Variants in ARHGAP12 observed in about 807,000 individuals in gnomAD.
ARHGAP12 encodes Rho GTPase activating protein 12.
A neutral mutation model predicts 108.6 loss-of-function variants in ARHGAP12; 64 were observed. That is an observed-to-expected ratio of 0.59 (90% CI 0.48 to 0.73). The LOEUF is 0.73. Among genes scored for constraint, ARHGAP12 ranks in the 30% least tolerant of loss-of-function variants. The pLI is 0.00. For synonymous variants in ARHGAP12, 312 were observed against 337.2 expected (o/e 0.93, Z 0.82); for missense variants, 940 against 1,005.9 (o/e 0.93, Z 0.89).
intron 10 of ARHGAP12, among the ~76,000 whole-genome samples, chr10:31,829,658 T>C (rs1361445131): frequency 1.3e-5 from 2 of 152,188 alleles, no homozygotes; most frequent in Non-Finnish European, 2.9e-5. Context: ...GTTAGTGAAC[T>C]AGTATTTTAC....
At chr10:31,855,091 AGGAGG>A (rs1325296866) in intron 4 of ARHGAP12, among the ~76,000 whole-genome samples, 7 of 63,166 alleles carry the variant, frequency 1.1e-4, no homozygotes, top group Non-Finnish European at 1.7e-4. Context: ...GGGGGCGAAA[AGGAGG>A]GGAGGGGAGG....
chr10:31,897,990 T>C lies in ARHGAP12; in HGVS notation c.684+10182A>G, dbSNP rs551072534. Among the ~76,000 whole-genome samples, 8 of 152,064 alleles carry C rather than the reference T, an allele frequency of 5.3e-5. No individual in the cohort carries two copies. The East Asian group carries it at 1.2e-3, about 22-fold the overall frequency. On this transcript the variant is annotated intron_variant, in intron 3 of 19. Transcript: ENST00000344936. ...AAAATACAAAAACTAGCCAGGCTTG[T>C]TTTTGAGCCTGCTGTCCCAGCTACT...
intron 3 of ARHGAP12, among the ~76,000 whole-genome samples, chr10:31,891,983 T>TAATC (rs1838461676): frequency 6.6e-6 from 1 of 152,218 alleles, no homozygotes; most frequent in Non-Finnish European, 1.5e-5. Context: ...GCCATTCGTC[T>TAATC]AATCTTTTTT....
At chr10:31,890,595 G>A (rs1541261) in intron 3 of ARHGAP12, among the ~76,000 whole-genome samples, 81,333 of 151,946 alleles carry the variant, frequency 0.54, 22,429 homozygotes, top group African/African-American at 0.65. Context: ...AGAAAGCTAA[G>A]TAACGACTCC....
At chr10:31,873,761 T>C (rs1406948805) in intron 3 of ARHGAP12, among the ~76,000 whole-genome samples, 1 of 152,222 alleles carries the variant, frequency 6.6e-6, no homozygotes, top group African/African-American at 2.4e-5. Flanking sequence ...GAAAGCTAAA[T>C]GTGATAGCTG....
chr10:31,809,142 G>A lies in ARHGAP12; in HGVS notation c.2129-14C>T, dbSNP rs769482377. On this transcript the variant is annotated splice_polypyrimidine_tract_variant and intron_variant, in intron 17 of 19. Transcript: ENST00000344936. Reference sequence around the variant, plus strand: ...CCAATTTCTCATCTGAAAAACAGCAGGAATTGGACATTTTAAAAAATTACT... The same window carrying A: ...CCAATTTCTCATCTGAAAAACAGCAAGAATTGGACATTTTAAAAAATTACT... The A allele has an allele frequency of 1.2e-6, 2 of 1,612,870 alleles. No homozygotes were observed. The highest frequency in any genetic ancestry group is 8.5e-7 in the Non-Finnish European group (1 of 1,179,476).
intron 1 of ARHGAP12, among the ~76,000 whole-genome samples, chr10:31,923,132 G>GAAAAA (rs58930834): frequency 0.014 from 1,177 of 82,900 alleles, 37 homozygotes; most frequent in Middle Eastern, 0.023. Context: ...ACCCTAACAG[G>GAAAAA]AAAAAAAAAA....
chr10:31,852,796 C>T (rs969226015), intron 5 of ARHGAP12, among the ~76,000 whole-genome samples, 199 bp from the exon 6 acceptor site: 1 of 138,590 alleles, frequency 7.2e-6, no homozygotes, highest in African/African-American at 2.7e-5. Context: ...CGGCTCACCA[C>T]AACCTCCACC....
chr10:31,887,662 T>A (rs1200338760), intron 3 of ARHGAP12, among the ~76,000 whole-genome samples: 1 of 34,500 alleles, frequency 2.9e-5, no homozygotes, highest in Non-Finnish European at 6.3e-5. Context: ...TTTTTTTTTG[T>A]TTTTTTTTTT....
At chr10:31,861,033 CA>C (rs1275638125) in intron 4 of ARHGAP12, among the ~76,000 whole-genome samples, 36 of 152,190 alleles carry the variant, frequency 2.4e-4, no homozygotes, top group Admixed American at 1.5e-3. Context: ...CCAGCCTGGG[CA>C]ACAGAGCTAG....
intron 6 of ARHGAP12, among the ~76,000 whole-genome samples, chr10:31,846,553 CATGGCTTCT>C (rs1836465189): frequency 6.6e-6 from 1 of 152,156 alleles, no homozygotes; most frequent in Non-Finnish European, 1.5e-5. Context: ...TTCTGGCTTC[CATGGCTTCT>C]GATAAGGCAC....
rs758163235 is a variant in ARHGAP12, at chr10:31,812,802, T to G, written c.1856A>C (p.Asp619Ala). ...CTTGGTTTTTTTCTGTTCTGAAGAA[T>G]CTATGCTAGATACTTTAAAGGCTTA... is the stretch of plus-strand genomic sequence containing the variant. ...KLRSFKVSSI[D>A]SSEQKKTKKN... Residue 619 changes from aspartate to alanine, a missense_variant, in exon 15 of 20, where the codon GAT becomes GCT. By Grantham distance (126) the Asp-to-Ala change is moderately radical. Coordinates refer to ENST00000344936, the MANE Select transcript of ARHGAP12 (RefSeq NM_018287.7). 1.1e-5 allele frequency: 17 copies of G among 1,602,786 alleles called. No homozygotes were observed. The highest frequency in any genetic ancestry group is 1.4e-5 in the Non-Finnish European group (17 of 1,174,472).
chr10:31,852,848 T>C lies in ARHGAP12; in HGVS notation c.1090-251A>G, dbSNP rs937488923. The stretch of plus-strand genomic sequence containing the variant: ...TTCAAGCAATTCTCCCGCATCAGCC[T>C]CCCGAGTAGCTGGGATTACAGGCAT... On this transcript the variant is annotated intron_variant, in intron 5 of 19. Transcript: ENST00000344936. Among the ~76,000 whole-genome samples, 4 of 142,234 alleles carry C rather than the reference T, an allele frequency of 2.8e-5. No homozygotes were observed. In the South Asian group the frequency reaches 7.0e-4, roughly 25 times the overall value. 93.3% of individuals were successfully genotyped at this position (142,234 alleles called of 152,430 possible).
chr10:31,837,321 T>C (rs1427069123), intron 9 of ARHGAP12, among the ~76,000 whole-genome samples: 2 of 152,222 alleles, frequency 1.3e-5, no homozygotes, highest in African/African-American at 4.8e-5. Context: ...AAAATAATGT[T>C]CACTTTTATC....
At chr10:31,812,918 A>T in intron 14 of ARHGAP12, 95 bp from the exon 15 acceptor site, 1 of 635,174 alleles carries the variant, frequency 1.6e-6, no homozygotes, top group Non-Finnish European at 2.7e-6. Context: ...TTAACCTCAT[A>T]TGTCAAGATC....
At chr10:31,871,413 T>C (rs1837538575) in intron 3 of ARHGAP12, among the ~76,000 whole-genome samples, 1 of 152,148 alleles carries the variant, frequency 6.6e-6, no homozygotes, top group Non-Finnish European at 1.5e-5. Context: ...TTGGTTACCT[T>C]ACCTTGTATT....
At chr10:31,876,543 C>A (rs1193915923) in intron 3 of ARHGAP12, among the ~76,000 whole-genome samples, 4 of 133,014 alleles carry the variant, frequency 3.0e-5, no homozygotes, top group Non-Finnish European at 1.6e-5. Context: ...AACAAAAAAC[C>A]ACCAAAAAAA....
At chr10:31,889,038 T>C (rs754713859) in intron 3 of ARHGAP12, among the ~76,000 whole-genome samples, 7 of 152,134 alleles carry the variant, frequency 4.6e-5, no homozygotes, top group African/African-American at 9.7e-5. Flanking sequence ...GCCTCCCTAG[T>C]AGCTGGGATT....
intron 4 of ARHGAP12, among the ~76,000 whole-genome samples, chr10:31,857,746 C>T (rs1200931805): frequency 4.0e-5 from 6 of 151,880 alleles, no homozygotes; most frequent in African/African-American, 9.7e-5. Context: ...CAATGGAAGC[C>T]GGAAAATATG....
Sources: allele counts gnomAD v4.1 joint callset (sites outside exome capture counted in the v4.1 genomes callset), GRCh38; gene constraint gnomAD v4.1.1; transcripts MANE v1.5; gene names NCBI Gene and HGNC (gene_info 2026-07-23, HGNC 2026-07-21).